The following DNM3 variants were observed in gnomAD, a reference collection of about 807,000 sequenced individuals.
DNM3 encodes dynamin-3.
A neutral mutation model predicts 101.6 loss-of-function variants in DNM3; 47 were observed. The ratio of observed to expected loss-of-function variants is 0.46; its 90% CI spans 0.37 to 0.59. The LOEUF (loss-of-function observed/expected upper bound fraction) is 0.59, where lower values mean the gene tolerates loss of function less well. Among genes scored for constraint, DNM3 ranks in the 20% least tolerant of loss-of-function variants. DNM3 has a pLI of 0.00. For synonymous variants in DNM3, 385 were observed against 387.9 expected, an observed-to-expected ratio of 0.99 and a Z score of 0.09; for missense variants, 849 against 1,085.7, an observed-to-expected ratio of 0.78 and a Z score of 3.06.
chr1:172,104,441 T>A (rs2054868213), intron 13 of DNM3, among the ~76,000 whole-genome samples: 1 of 152,150 alleles, frequency 6.6e-6, no homozygotes, highest in South Asian at 2.1e-4. Flanking sequence ...ATATTTTTCA[T>A]GCTTATTGAC....
rs527656327 is a variant in DNM3, at chr1:171,857,978, C to A, written c.161+16161C>A. Reference sequence around the variant, plus strand: ...GTGGATACAGAGAGAAGGCAACCATCATCAAGTCAGGAAGACAGCCCACAC... The same window carrying A: ...GTGGATACAGAGAGAAGGCAACCATAATCAAGTCAGGAAGACAGCCCACAC... On this transcript the variant is annotated intron_variant, in intron 1 of 20. Coordinates refer to ENST00000627582, the MANE Select transcript of DNM3 (RefSeq NM_015569.5). Among the ~76,000 whole-genome samples, 13 of 152,282 alleles carry A rather than the reference C, an allele frequency of 8.5e-5. No individual in the cohort carries two copies. The South Asian group carries it at 2.3e-3, about 27-fold the overall frequency.
intron 15 of DNM3, among the ~76,000 whole-genome samples, chr1:172,285,731 G>A (rs541368364): frequency 4.7e-4 from 71 of 152,114 alleles, no homozygotes; most frequent in African/African-American, 1.5e-3. Flanking sequence ...TTTGAAAGCC[G>A]AGTTTTGTGG....
intron 13 of DNM3, among the ~76,000 whole-genome samples, chr1:172,110,925 A>C (rs1346900125): frequency 6.6e-6 from 1 of 152,190 alleles, no homozygotes. Context: ...AGTGTCAGCT[A>C]CTCAGGAGGC....
chr1:172,107,015 C>T (rs1277633436), intron 13 of DNM3, among the ~76,000 whole-genome samples: 1 of 149,600 alleles, frequency 6.7e-6, no homozygotes, highest in Non-Finnish European at 1.5e-5. Flanking sequence ...CACCCGCCAC[C>T]GCGCCCGGCT....
At chr1:172,142,318 C>T (rs1282705564) in intron 14 of DNM3, 3 of 151,976 alleles carry the variant, frequency 2.0e-5, no homozygotes, top group Non-Finnish European at 2.9e-5. Flanking sequence ...TAAATGTGGG[C>T]GTGTGTACCA....
At chr1:172,027,617 C>CACACACACACACACACACACAGAGAG (rs34981346) in intron 4 of DNM3, among the ~76,000 whole-genome samples, 35 of 147,126 alleles carry the variant, frequency 2.4e-4, no homozygotes, top group African/African-American at 9.0e-4. Flanking sequence ...CACACACACA[C>CACACACACACACACACACACAGAGAG]AGAGAGAGAG....
intron 14 of DNM3, among the ~76,000 whole-genome samples, chr1:172,163,082 G>A (rs2058603175): frequency 1.3e-5 from 2 of 151,808 alleles, no homozygotes; most frequent in South Asian, 4.2e-4. Context: ...ACAATGTGAT[G>A]TTTTGATATA....
At chr1:172,394,495 T>C (rs1446896239) in intron 20 of DNM3, 1 of 152,234 alleles carries the variant, frequency 6.6e-6, no homozygotes, top group Admixed American at 6.5e-5. Flanking sequence ...ACAGCAGCAG[T>C]AAATATAACA....
At chr1:172,314,690 G>T (rs2065241539) in intron 16 of DNM3, among the ~76,000 whole-genome samples, 1 of 152,108 alleles carries the variant, frequency 6.6e-6, no homozygotes, top group Non-Finnish European at 1.5e-5. Context: ...TGAGGGAGGG[G>T]CGCCCGCCAT....
At position 172,412,525 on chromosome 1, in the gene DNM3, T is replaced by C; in HGVS notation, c.*4684T>C. 3.0e-6 allele frequency: 3 copies of C among 985,714 alleles called. No homozygotes were observed. The highest frequency in any genetic ancestry group is 3.6e-6 in the Non-Finnish European group (3 of 829,862). 61.1% of individuals were successfully genotyped at this position (985,714 alleles called of 1,614,324 possible). ...TTGTCTTCTCTGCTGATTCTTTAAT[T>C]AATATGAGCCGGATACTTTCCACTG... On this transcript the variant is annotated 3_prime_UTR_variant, in exon 21 of 21. Transcript: ENST00000627582.
At chr1:172,371,134 T>C (rs1028198989) in intron 17 of DNM3, among the ~76,000 whole-genome samples, 2 of 152,004 alleles carry the variant, frequency 1.3e-5, no homozygotes, top group South Asian at 4.1e-4. Context: ...ATTCTTGCAG[T>C]GAATTGGTGC....
chr1:172,013,031 CA>C (rs539160110), intron 4 of DNM3, among the ~76,000 whole-genome samples: 1 of 150,084 alleles, frequency 6.7e-6, no homozygotes, highest in Non-Finnish European at 1.5e-5. Context: ...AAACCCAAAA[CA>C]AAAAAAAATG....
intron 15 of DNM3, among the ~76,000 whole-genome samples, chr1:172,287,988 GA>G (rs2063764164): frequency 6.6e-6 from 1 of 151,904 alleles, no homozygotes; most frequent in Non-Finnish European, 1.5e-5. Flanking sequence ...TCTGACCAAG[GA>G]AAAGTATTTT....
chr1:172,411,107 T>C lies in DNM3; in HGVS notation c.*3266T>C. On this transcript the variant is annotated 3_prime_UTR_variant, in exon 21 of 21. Coordinates refer to ENST00000627582, the MANE Select transcript of DNM3 (RefSeq NM_015569.5). ...GTGTATATATATAAATATATGTATA[T>C]GTATGGTTGTAAATATCTATGTATA... 3 of 982,744 alleles carry C rather than the reference T, an allele frequency of 3.1e-6. No homozygotes were observed. The highest frequency in any genetic ancestry group is 3.6e-6 in the Non-Finnish European group (3 of 827,490). The allele number at this position is 982,744 out of a possible 1,614,324, so 60.9% of individuals were successfully genotyped here.
At chr1:171,943,883 G>A (rs897928319) in intron 2 of DNM3, among the ~76,000 whole-genome samples, 2 of 152,084 alleles carry the variant, frequency 1.3e-5, no homozygotes, top group African/African-American at 4.8e-5. Flanking sequence ...GGATTAGAAT[G>A]TCTTGGCTGA....
intron 2 of DNM3, among the ~76,000 whole-genome samples, chr1:171,977,104 AATT>A (rs1210546567): frequency 6.6e-6 from 1 of 152,232 alleles, no homozygotes; most frequent in East Asian, 1.9e-4. Flanking sequence ...TAGTACATTC[AATT>A]ATTCTTAAAA....
intron 1 of DNM3, among the ~76,000 whole-genome samples, chr1:171,865,071 T>C (rs1477024169): frequency 6.6e-6 from 1 of 152,208 alleles, no homozygotes; most frequent in African/African-American, 2.4e-5. Flanking sequence ...AATGAAATTA[T>C]TTTAAAATTT....
Position 171,841,641 on chromosome 1 carries a change from C to G in DNM3, c.-16C>G, listed in dbSNP as rs752089668. On this transcript the variant is annotated 5_prime_UTR_variant, in exon 1 of 21. Coordinates refer to ENST00000627582, the MANE Select transcript of DNM3 (RefSeq NM_015569.5). Reference sequence around the variant, plus strand: ...AGGCGAGCAGGGACCAGCTGGTCGCCGGCCCCTCGGGCAAGATGGGGAACC... The same window carrying G: ...AGGCGAGCAGGGACCAGCTGGTCGCGGGCCCCTCGGGCAAGATGGGGAACC... 1 of 1,604,194 alleles carries G rather than the reference C, an allele frequency of 6.2e-7. No individual in the cohort carries two copies. The highest frequency in any genetic ancestry group is 1.3e-5 in the African/African-American group (1 of 74,902).
rs946671007 is a variant in DNM3, at chr1:172,412,536, G to A, written c.*4695G>A. The A allele has an allele frequency of 1.1e-5, 11 of 985,126 alleles. No homozygotes were observed. The highest frequency in any genetic ancestry group is 9.4e-5 in the South Asian group (2 of 21,278). 61.0% of individuals were successfully genotyped at this position (985,126 alleles called of 1,614,324 possible). A position where few individuals can be genotyped will look rare whatever the true frequency, so the allele number is the denominator to read the frequency against. ...GCTGATTCTTTAATTAATATGAGCC[G>A]GATACTTTCCACTGTCTTCTTGGCA... On this transcript the variant is annotated 3_prime_UTR_variant, in exon 21 of 21. Coordinates refer to ENST00000627582, the MANE Select transcript of DNM3 (RefSeq NM_015569.5).
Sources: gnomAD v4.1 joint callset for allele counts (sites outside exome capture counted in the v4.1 genomes callset) on GRCh38, gnomAD v4.1.1 for gene constraint, MANE v1.5 for transcripts, NCBI Gene and HGNC (gene_info 2026-07-23, HGNC 2026-07-21) for gene names.